DNAH11: variants seen among roughly 807,000 people sequenced by gnomAD.
The protein encoded by DNAH11 is axonemal beta dynein heavy chain 11.
Under a neutral mutation model 526.0 loss-of-function variants are expected in DNAH11, and 442 were observed. The ratio of observed to expected loss-of-function variants is 0.84; its 90% CI spans 0.78 to 0.91. The LOEUF (loss-of-function observed/expected upper bound fraction) is 0.91, where lower values mean the gene tolerates loss of function less well. Among genes scored for constraint, DNAH11 ranks in the 40% least tolerant of loss-of-function variants. The pLI is 0.00. For missense variants in DNAH11, 6,989 were observed against 5,448.7 expected (o/e 1.28, Z -8.90); for synonymous variants, 2,461 against 1,935.9 (o/e 1.27, Z -7.12).
At chr7:21,608,063 A>C in intron 20 of DNAH11, among the ~76,000 whole-genome samples, 1 of 150,924 alleles carries the variant, frequency 6.6e-6, no homozygotes, top group Non-Finnish European at 1.5e-5. Flanking sequence ...TTTAATCAGA[A>C]ATTTTAACCA....
chr7:21,661,298 A>G (rs1782233544), intron 30 of DNAH11, among the ~76,000 whole-genome samples: 1 of 152,026 alleles, frequency 6.6e-6, no homozygotes, highest in African/African-American at 2.4e-5. Context: ...CTGATTGCTT[A>G]TTTGTGAATT....
intron 39 of DNAH11, among the ~76,000 whole-genome samples, chr7:21,707,322 T>G (rs1784307196): frequency 6.6e-6 from 1 of 152,242 alleles, no homozygotes; most frequent in Non-Finnish European, 1.5e-5. Flanking sequence ...AGTTCTGTTG[T>G]AGGCTACATT....
chr7:21,653,032 A>G (rs1317754813), intron 28 of DNAH11, among the ~76,000 whole-genome samples: 1 of 152,104 alleles, frequency 6.6e-6, no homozygotes, highest in Non-Finnish European at 1.5e-5. Flanking sequence ...ATGTGCCACC[A>G]TGCCCAGCTA....
intron 29 of DNAH11, among the ~76,000 whole-genome samples, chr7:21,658,311 T>C (rs1782103183): frequency 6.6e-6 from 1 of 152,268 alleles, no homozygotes; most frequent in African/African-American, 2.4e-5. Flanking sequence ...AACTGTGAAC[T>C]ATGAAGATTT....
At chr7:21,885,906 C>T (rs1256439846) in intron 76 of DNAH11, among the ~76,000 whole-genome samples, 1 of 152,082 alleles carries the variant, frequency 6.6e-6, no homozygotes, top group African/African-American at 2.4e-5. Context: ...TGGTTCCAGC[C>T]CGGGGCTGTG....
rs535448260 is a variant in DNAH11, at chr7:21,832,277, G to A, written c.10692-10267G>A. Reference sequence around the variant, plus strand: ...TGATGCAGTTTCTTCATATGTCGACGGTCTTTACAATTTGGCATGTTTTTG... The same window carrying A: ...TGATGCAGTTTCTTCATATGTCGACAGTCTTTACAATTTGGCATGTTTTTG... On this transcript the variant is annotated intron_variant, in intron 65 of 81. Coordinates refer to ENST00000409508, the MANE Select transcript of DNAH11 (RefSeq NM_001277115.2). Among the ~76,000 whole-genome samples, 33 of 152,186 alleles carry A rather than the reference G, an allele frequency of 2.2e-4. 1 individual carries two copies. The South Asian group carries it at 6.4e-3, about 30-fold the overall frequency.
At chr7:21,899,148 C>G (rs1264207318) in intron 79 of DNAH11, among the ~76,000 whole-genome samples, 188 bp from the exon 80 acceptor site, 1 of 152,178 alleles carries the variant, frequency 6.6e-6, no homozygotes, top group Admixed American at 6.5e-5. Context: ...CATCAAGTCT[C>G]CAATGGGAAA....
rs113899524 is a variant in DNAH11, at chr7:21,842,396, T to G, written c.10692-148T>G. On this transcript the variant is annotated intron_variant, in intron 65 of 81. Coordinates refer to ENST00000409508, the MANE Select transcript of DNAH11 (RefSeq NM_001277115.2). ...TGGGTGATTGCTGATCCTGCTGTACTTTAGGAAATTTGGGAGTAGCTGAAA... is the reference window on the plus strand; with the variant it reads ...TGGGTGATTGCTGATCCTGCTGTACGTTAGGAAATTTGGGAGTAGCTGAAA... 8.1e-4 allele frequency: 480 copies of G among 590,548 alleles called. 4 individuals are homozygous for G. The highest frequency in any genetic ancestry group is 8.0e-3 in the African/African-American group (433 of 53,952). 36.6% of individuals were successfully genotyped at this position (590,548 alleles called of 1,614,324 possible). A position where few individuals can be genotyped will look rare whatever the true frequency, so the allele number is the denominator to read the frequency against.
chr7:21,675,922 T>A (rs1374066893), intron 30 of DNAH11, among the ~76,000 whole-genome samples: 2 of 151,986 alleles, frequency 1.3e-5, no homozygotes, highest in Non-Finnish European at 2.9e-5. Flanking sequence ...GAAGGCCAAT[T>A]TGAGGAGGTA....
At position 21,892,533 on chromosome 7, in the gene DNAH11, C is replaced by T. The variant is rs777004813; in HGVS notation, c.12616C>T (p.Leu4206=). 7 of 1,613,984 alleles carry T rather than the reference C, an allele frequency of 4.3e-6. No homozygotes were observed. In the East Asian group the frequency reaches 1.1e-4, roughly 26 times the overall value. Residue 4206 remains leucine (L), a synonymous_variant, in exon 77 of 82, where the codon CTG becomes TTG. Coordinates refer to ENST00000409508, the MANE Select transcript of DNAH11 (RefSeq NM_001277115.2). The part of the protein sequence containing the change: ...EEMLPPESPA[L]YGLHPNAEIE... ...GATGCTTCCTCCAGAAAGCCCGGCA[C>T]TGTATGGCCTCCACCCAAATGCTGA...
chr7:21,743,732 G>A (rs753872944), intron 49 of DNAH11, among the ~76,000 whole-genome samples: 3 of 152,194 alleles, frequency 2.0e-5, no homozygotes, highest in Non-Finnish European at 4.4e-5. Context: ...CAGAAGGAAA[G>A]GGAAGAGAGG....
intron 43 of DNAH11, among the ~76,000 whole-genome samples, chr7:21,720,124 G>C (rs1289704305): frequency 6.6e-6 from 1 of 152,204 alleles, no homozygotes; most frequent in Non-Finnish European, 1.5e-5. Context: ...GTTAAATTTA[G>C]TTCGGTGTCC....
intron 9 of DNAH11, among the ~76,000 whole-genome samples, chr7:21,584,340 A>G (rs975970043): frequency 6.6e-6 from 1 of 152,160 alleles, no homozygotes; most frequent in African/African-American, 2.4e-5. Context: ...AGAAAACCAA[A>G]CACTGCATGT....
intron 54 of DNAH11, 74 bp downstream of exon 54, chr7:21,750,438 T>C (rs1283745695): frequency 2.0e-6 from 3 of 1,519,486 alleles, no homozygotes; most frequent in Admixed American, 4.6e-5. Flanking sequence ...TTCTGAGTTT[T>C]TTATTATGAG....
rs1784770057 is a variant in DNAH11, at chr7:21,900,823, C to G, written c.13304-184C>G. On this transcript the variant is annotated intron_variant, in intron 81 of 81. Coordinates refer to ENST00000409508, the MANE Select transcript of DNAH11 (RefSeq NM_001277115.2). The stretch of plus-strand genomic sequence containing the variant: ...TACGCATGGAAGCAAAGCGGTGCCT[C>G]CGCTGCAGGCAGGGTAACCTACCTT... The G allele has an allele frequency of 5.6e-6, 5 of 898,346 alleles. No individual in the cohort carries two copies. In the South Asian group the frequency reaches 1.3e-4, roughly 23 times the overall value. The allele number at this position is 898,346 out of a possible 1,614,324, so 55.6% of individuals were successfully genotyped here.
chr7:21,882,389 T>C (rs1027562117), intron 75 of DNAH11, among the ~76,000 whole-genome samples: 1 of 152,232 alleles, frequency 6.6e-6, no homozygotes, highest in African/African-American at 2.4e-5. Flanking sequence ...TATCAGGATT[T>C]GGGAATTAAA....
chr7:21,613,398 ATTTC>A (rs771350274), intron 20 of DNAH11, among the ~76,000 whole-genome samples: 1 of 152,322 alleles, frequency 6.6e-6, no homozygotes, highest in Non-Finnish European at 1.5e-5. Flanking sequence ...TATTAGTCAT[ATTTC>A]TTAGGCTAGG....
chr7:21,717,614 G>A (rs1319327570), intron 42 of DNAH11, among the ~76,000 whole-genome samples, 161 bp from the exon 43 acceptor site: 2 of 152,186 alleles, frequency 1.3e-5, no homozygotes, highest in East Asian at 1.9e-4. Context: ...TTTTTAAAGG[G>A]CCATTTTAAA....
At chr7:21,625,926 T>C (rs1025960482) in intron 25 of DNAH11, among the ~76,000 whole-genome samples, 4 of 152,108 alleles carry the variant, frequency 2.6e-5, no homozygotes, top group African/African-American at 7.2e-5. Context: ...GGAAAACATT[T>C]ATGTTTTTTT....
Sources: gnomAD v4.1 joint callset for allele counts (sites outside exome capture counted in the v4.1 genomes callset) on GRCh38, gnomAD v4.1.1 for gene constraint, MANE v1.5 for transcripts, NCBI Gene and HGNC (gene_info 2026-07-23, HGNC 2026-07-21) for gene names.